The following HDX variants were observed in gnomAD, a reference collection of about 807,000 sequenced individuals.
HDX encodes chromosome X open reading frame 43.
A neutral mutation model predicts 45.2 loss-of-function variants in HDX; 19 were observed. The observed-to-expected ratio is 0.42, with a 90% CI of 0.29 to 0.62. HDX has a LOEUF of 0.62. Ranked by LOEUF, HDX falls within the 20% of genes least tolerant of loss-of-function variation. The pLI is 0.20. For synonymous variants in HDX, 188 were observed against 172.8 expected (o/e 1.09, Z -0.69); for missense variants, 532 against 493.9 (o/e 1.08, Z -0.73).
At chrX:84,484,421 C>G (rs1461786300) in intron 2 of HDX, among the ~76,000 whole-genome samples, 4 of 111,256 alleles carry the variant, frequency 3.6e-5, no homozygotes, top group Non-Finnish European at 5.7e-5. Context: ...GAATGAGAAC[C>G]AAGTGAAGAG....
chrX:84,457,691 C>T (rs1174090689), intron 4 of HDX, among the ~76,000 whole-genome samples: 2 of 111,906 alleles, frequency 1.8e-5, no homozygotes, highest in African/African-American at 6.5e-5. Flanking sequence ...CTAGCTGTAA[C>T]TTCTTCTGAT....
chrX:84,429,927 G>A (rs999641182), intron 5 of HDX, among the ~76,000 whole-genome samples: 9 of 110,356 alleles, frequency 8.2e-5, no homozygotes, highest in Non-Finnish European at 1.3e-4. Flanking sequence ...CATATTTGTG[G>A]GGTACATAGC....
At chrX:84,350,146 T>C (rs756950508) in intron 6 of HDX, among the ~76,000 whole-genome samples, 1 of 111,910 alleles carries the variant, frequency 8.9e-6, no homozygotes, top group African/African-American at 3.2e-5. Flanking sequence ...GAAATTTTTC[T>C]GATATCTTTC....
chrX:84,469,690 G>A, intron 3 of HDX, 115 bp from the exon 4 acceptor site: 9 of 598,121 alleles, frequency 1.5e-5, no homozygotes, highest in South Asian at 4.3e-5. Context: ...TGTACATAAA[G>A]GTAAAAGAAA....
chrX:84,447,681 G>A (rs1349535355), intron 4 of HDX, among the ~76,000 whole-genome samples: 1 of 111,207 alleles, frequency 9.0e-6, no homozygotes, highest in Non-Finnish European at 1.9e-5. Flanking sequence ...CTCTCCAACA[G>A]CTCCTGCATC....
chrX:84,368,917 A>G (rs961737315), intron 5 of HDX, among the ~76,000 whole-genome samples: 2 of 110,810 alleles, frequency 1.8e-5, no homozygotes, highest in African/African-American at 3.3e-5. Context: ...ACAGTTCACA[A>G]TAGGGTTCCT....
chrX:84,441,661 C>G (rs988817538), intron 4 of HDX, among the ~76,000 whole-genome samples: 2 of 111,263 alleles, frequency 1.8e-5, no homozygotes, highest in African/African-American at 6.5e-5. Context: ...AATTATGTCC[C>G]AGTGTCTAGT....
At chrX:84,353,550 A>T (rs777515537) in intron 6 of HDX, among the ~76,000 whole-genome samples, 32 of 111,377 alleles carry the variant, frequency 2.9e-4, no homozygotes, top group African/African-American at 1.0e-3. Flanking sequence ...TTAAGAATAA[A>T]TTTCTGTTGT....
At chrX:84,404,644 T>A (rs373445784) in intron 5 of HDX, among the ~76,000 whole-genome samples, 2 of 110,888 alleles carry the variant, frequency 1.8e-5, no homozygotes, top group African/African-American at 6.5e-5. Context: ...ATAAATAGAG[T>A]TAATTGATTT....
At chrX:84,462,197 T>G (rs1255969332) in intron 4 of HDX, among the ~76,000 whole-genome samples, 1 of 111,909 alleles carries the variant, frequency 8.9e-6, no homozygotes, top group African/African-American at 3.2e-5. Flanking sequence ...AAACAGTAAA[T>G]TGAAGAGATA....
chrX:84,379,891 T>G (rs745465301), intron 5 of HDX, among the ~76,000 whole-genome samples: 1 of 110,739 alleles, frequency 9.0e-6, no homozygotes, highest in South Asian at 3.7e-4. Flanking sequence ...AAAATGAAAT[T>G]GAAATGAAGA....
intron 1 of HDX, among the ~76,000 whole-genome samples, chrX:84,499,360 T>C (rs1300825231): frequency 9.0e-6 from 1 of 111,588 alleles, no homozygotes; most frequent in Non-Finnish European, 1.9e-5. Context: ...GTTTTTTTCA[T>C]ATTTTATTTT....
intron 2 of HDX, among the ~76,000 whole-genome samples, chrX:84,482,115 T>G (rs1308698335): frequency 1.8e-5 from 2 of 112,160 alleles, no homozygotes; most frequent in Admixed American, 9.5e-5. Context: ...TCTAATCCAC[T>G]ATTGATAGAC....
Position 84,359,047 on chromosome X carries a change from A to T in HDX, c.1452+2419T>A, listed in dbSNP as rs192531500. On this transcript the variant is annotated intron_variant, in intron 6 of 10. Transcript: ENST00000373177. ...TACACCACGGAAATCAGCAAATACT[A>T]TTAATTAAGGCTTTTTTTTTCCTTA... Among the ~76,000 whole-genome samples the T allele has an allele frequency of 4.7e-3, 502 of 107,803 alleles. 2 individuals are homozygous for T. Among genetic ancestry groups the T allele is most frequent in the African/African-American group, 0.015 (464 of 30,458 alleles). The allele number at this position is 107,803 out of a possible 115,157, so 93.6% of individuals were successfully genotyped here.
chrX:84,487,320 T>C (rs773241438), intron 2 of HDX, among the ~76,000 whole-genome samples: 2 of 112,242 alleles, frequency 1.8e-5, no homozygotes, highest in Admixed American at 1.9e-4. Flanking sequence ...ATCTGGGTCA[T>C]ATTGGTGTTG....
intron 6 of HDX, among the ~76,000 whole-genome samples, chrX:84,351,941 T>C (rs2037370413): frequency 8.9e-6 from 1 of 112,141 alleles, no homozygotes; most frequent in African/African-American, 3.2e-5. Flanking sequence ...ATGACTCGAA[T>C]TTGTAACCTT....
intron 5 of HDX, among the ~76,000 whole-genome samples, chrX:84,408,746 T>C (rs1458952585): frequency 9.1e-6 from 1 of 109,972 alleles, no homozygotes; most frequent in African/African-American, 3.3e-5. Context: ...CTTTTAGCAG[T>C]GTTTTGTACT....
chrX:84,427,529 G>A (rs1161796976), intron 5 of HDX, among the ~76,000 whole-genome samples: 2 of 110,835 alleles, frequency 1.8e-5, no homozygotes, highest in Non-Finnish European at 3.8e-5. Context: ...ATTTTCAATA[G>A]TTTTATATAG....
chrX:84,321,643 T>C lies in HDX; in HGVS notation c.*246A>G. On this transcript the variant is annotated 3_prime_UTR_variant, in exon 11 of 11. Coordinates refer to ENST00000373177, the MANE Select transcript of HDX (RefSeq NM_001177479.2). ...ATTTCAGGGTTAAACTGCTGAAACT[T>C]AAATATAATTTTTTTCCAGAGTTCC... The C allele has an allele frequency of 5.0e-6, 1 of 201,424 alleles. No homozygotes were observed. The highest frequency in any genetic ancestry group is 9.2e-6 in the Non-Finnish European group (1 of 108,505). The allele number at this position is 201,424 out of a possible 1,213,427, so 16.6% of individuals were successfully genotyped here.
Sources: gnomAD v4.1 joint callset for allele counts (sites outside exome capture counted in the v4.1 genomes callset) on GRCh38, gnomAD v4.1.1 for gene constraint, MANE v1.5 for transcripts, NCBI Gene and HGNC (gene_info 2026-07-23, HGNC 2026-07-21) for gene names.